Variants in PKP4 observed in about 807,000 individuals in gnomAD.
PKP4 encodes the protein plakophilin 4.
A neutral mutation model predicts 145.1 loss-of-function variants in PKP4; 90 were observed. That is an observed-to-expected ratio of 0.62 (90% CI 0.52 to 0.74). The LOEUF is 0.74. Ranked by LOEUF, PKP4 falls within the 30% of genes least tolerant of loss-of-function variation. The pLI, the probability that PKP4 is intolerant of heterozygous loss-of-function variation, is 0.00. For synonymous variants in PKP4, 563 were observed against 577.2 expected (o/e 0.98, Z 0.35); for missense variants, 1,340 against 1,482.7 (o/e 0.90, Z 1.58).
intron 3 of PKP4, among the ~76,000 whole-genome samples, chr2:158,601,448 A>T (rs2050220021): frequency 6.6e-6 from 1 of 152,214 alleles, no homozygotes. Flanking sequence ...GAATTAAATA[A>T]CAAAAACAGA....
intron 3 of PKP4, among the ~76,000 whole-genome samples, chr2:158,590,453 A>G (rs2049174210): frequency 6.6e-6 from 1 of 151,076 alleles, no homozygotes; most frequent in Non-Finnish European, 1.5e-5. Flanking sequence ...GCTTCAGTCC[A>G]AGTCAATTAA....
intron 1 of PKP4, among the ~76,000 whole-genome samples, chr2:158,532,243 C>A (rs2043624465): frequency 6.6e-6 from 1 of 152,028 alleles, no homozygotes; most frequent in South Asian, 2.1e-4. Context: ...CTCAGATGTC[C>A]CTATTTGAAT....
chr2:158,652,638 G>A (rs573257702), intron 11 of PKP4, among the ~76,000 whole-genome samples: 12 of 152,328 alleles, frequency 7.9e-5, no homozygotes, highest in Middle Eastern at 3.4e-3. Flanking sequence ...TATTATGTTT[G>A]TGCTATTAAT....
intron 21 of PKP4, among the ~76,000 whole-genome samples, chr2:158,680,084 T>G (rs1192169256): frequency 1.3e-5 from 2 of 152,220 alleles, no homozygotes; most frequent in African/African-American, 2.4e-5. Flanking sequence ...TCATTCGGCA[T>G]GCCCAGGTAA....
chr2:158,649,813 A>G (rs905436050), intron 11 of PKP4, among the ~76,000 whole-genome samples: 5 of 152,208 alleles, frequency 3.3e-5, no homozygotes, highest in Admixed American at 6.5e-5. Context: ...AAATGCAAGA[A>G]AGGTGGGAAT....
intron 19 of PKP4, among the ~76,000 whole-genome samples, chr2:158,674,573 T>G (rs555418198): frequency 1.3e-5 from 2 of 152,276 alleles, no homozygotes; most frequent in South Asian, 4.1e-4. Flanking sequence ...CCTTACAGTG[T>G]GGGTCTGTAG....
intron 1 of PKP4, among the ~76,000 whole-genome samples, chr2:158,507,636 A>G (rs927527622): frequency 2.0e-5 from 3 of 152,276 alleles, no homozygotes; most frequent in Non-Finnish European, 2.9e-5. Flanking sequence ...TTTAAATTTA[A>G]AAAAGAATTT....
rs556489414 is a variant in PKP4 at position 158,679,854 on chromosome 2, A to G, written c.3331-575A>G. Among the ~76,000 whole-genome samples, 3 of 152,324 alleles carry G rather than the reference A, an allele frequency of 2.0e-5. No individual in the cohort carries two copies. The East Asian group carries it at 5.8e-4, about 29-fold the overall frequency. On this transcript the variant is annotated intron_variant, in intron 21 of 21. Transcript: ENST00000389759. ...TGAGATTGCTTATTCCTTTAATATT[A>G]CAACTTACAGCAGAGTTTCCAAAGT...
intron 1 of PKP4, among the ~76,000 whole-genome samples, chr2:158,487,996 T>C (rs948732732): frequency 1.3e-5 from 2 of 152,240 alleles, no homozygotes; most frequent in Non-Finnish European, 2.9e-5. Context: ...TGTGGAATTA[T>C]TCATTTCTGA....
intron 11 of PKP4, among the ~76,000 whole-genome samples, chr2:158,651,106 C>A (rs2055322052): frequency 6.6e-6 from 1 of 152,192 alleles, no homozygotes; most frequent in Non-Finnish European, 1.5e-5. Flanking sequence ...AGTTTTATCC[C>A]TGTCTCGTAA....
At chr2:158,474,964 C>G (rs910482849) in intron 1 of PKP4, among the ~76,000 whole-genome samples, 26 of 152,224 alleles carry the variant, frequency 1.7e-4, no homozygotes, top group African/African-American at 6.3e-4. Context: ...GTTCTTTTTA[C>G]TAGTGTCCAG....
chr2:158,514,895 T>C (rs6704703), intron 1 of PKP4, among the ~76,000 whole-genome samples: 138,266 of 152,192 alleles, frequency 0.91, 62,901 homozygotes, highest in East Asian at 0.98. Context: ...GAGCCAAGAT[T>C]GTGCCATTGC....
intron 1 of PKP4, among the ~76,000 whole-genome samples, chr2:158,467,269 CA>C (rs1690769916): frequency 6.6e-6 from 1 of 152,138 alleles, no homozygotes; most frequent in Non-Finnish European, 1.5e-5. Context: ...TACAATGTCA[CA>C]ACCAGGATAT....
At chr2:158,519,204 CTG>C (rs1327908195) in intron 1 of PKP4, among the ~76,000 whole-genome samples, 5 of 151,688 alleles carry the variant, frequency 3.3e-5, no homozygotes, top group Non-Finnish European at 5.9e-5. Context: ...ATGAAATACT[CTG>C]TTTTTAAAAA....
intron 2 of PKP4, among the ~76,000 whole-genome samples, chr2:158,545,889 T>C (rs1239615701): frequency 6.6e-6 from 1 of 152,224 alleles, no homozygotes; most frequent in Non-Finnish European, 1.5e-5. Context: ...AAGGAAGGTT[T>C]ATATACAGTG....
chr2:158,615,938 T>C (rs2051561723), intron 4 of PKP4, among the ~76,000 whole-genome samples: 1 of 152,198 alleles, frequency 6.6e-6, no homozygotes, highest in African/African-American at 2.4e-5. Context: ...GACCCAAGAA[T>C]CTAGAAACCC....
At chr2:158,642,859 A>G (rs1323830566) in intron 11 of PKP4, among the ~76,000 whole-genome samples, 160 bp downstream of exon 11, 1 of 152,218 alleles carries the variant, frequency 6.6e-6, no homozygotes, top group Non-Finnish European at 1.5e-5. Flanking sequence ...ATTTAGTCTA[A>G]TGAGTCAGAA....
At chr2:158,461,560 T>A (rs868238314) in intron 1 of PKP4, among the ~76,000 whole-genome samples, 7 of 152,166 alleles carry the variant, frequency 4.6e-5, no homozygotes, top group African/African-American at 1.4e-4. Context: ...AAAGCATTTT[T>A]CCTGAATGGA....
chr2:158,498,251 T>C (rs1456200601), intron 1 of PKP4, among the ~76,000 whole-genome samples: 1 of 152,184 alleles, frequency 6.6e-6, no homozygotes, highest in African/African-American at 2.4e-5. Context: ...GCCTGCCAAG[T>C]AGCTGGGAAT....
Sources: gnomAD v4.1 joint callset for allele counts (sites outside exome capture counted in the v4.1 genomes callset) on GRCh38, gnomAD v4.1.1 for gene constraint, MANE v1.5 for transcripts, NCBI Gene and HGNC (gene_info 2026-07-23, HGNC 2026-07-21) for gene names.